ADGRL3: variants seen among roughly 807,000 people sequenced by gnomAD.
ADGRL3 encodes adhesion G protein-coupled receptor L3, also known as calcium-independent alpha-latrotoxin receptor 3.
Under a neutral mutation model 153.5 loss-of-function variants are expected in ADGRL3, and 62 were observed. The ratio of observed to expected loss-of-function variants is 0.40; its 90% CI spans 0.33 to 0.50. The LOEUF is 0.50. Among genes scored for constraint, ADGRL3 ranks in the 20% least tolerant of loss-of-function variants. The pLI is 0.47. For missense variants in ADGRL3, 1,641 were observed against 1,859.4 expected (o/e 0.88, Z 2.16); for synonymous variants, 710 against 672.5 (o/e 1.06, Z -0.86).
At chr4:61,331,013 G>A (rs947511224) in intron 1 of ADGRL3, among the ~76,000 whole-genome samples, 1 of 152,140 alleles carries the variant, frequency 6.6e-6, no homozygotes, top group Non-Finnish European at 1.5e-5. Context: ...GGGGAACCCT[G>A]ACTAATACAA....
chr4:61,465,465 G>T (rs2152637082), intron 2 of ADGRL3, among the ~76,000 whole-genome samples: 1 of 151,920 alleles, frequency 6.6e-6, no homozygotes, highest in East Asian at 1.9e-4. Context: ...AAATATAATT[G>T]AGATACAATT....
At chr4:61,724,548 T>C (rs1229626391) in intron 6 of ADGRL3, among the ~76,000 whole-genome samples, 1 of 152,172 alleles carries the variant, frequency 6.6e-6, no homozygotes, top group Non-Finnish European at 1.5e-5. Flanking sequence ...GGTGTTAATT[T>C]TGGAAACAAA....
intron 1 of ADGRL3, among the ~76,000 whole-genome samples, chr4:61,236,008 C>CT (rs55932029): frequency 0.44 from 41,973 of 95,120 alleles, 10,395 homozygotes; most frequent in Admixed American, 0.49. Flanking sequence ...CTTTTCTTTT[C>CT]TTTTTTTTTT....
At chr4:61,963,440 G>T (rs909608073) in intron 17 of ADGRL3, among the ~76,000 whole-genome samples, 2 of 151,882 alleles carry the variant, frequency 1.3e-5, no homozygotes, top group African/African-American at 4.8e-5. Context: ...GAAGGCCCTA[G>T]TGTCCATTGT....
intron 1 of ADGRL3, among the ~76,000 whole-genome samples, chr4:61,256,696 CT>C (rs147263307): frequency 5.0e-3 from 768 of 152,098 alleles, no homozygotes; most frequent in Non-Finnish European, 8.6e-3. Context: ...TAATTTTTAC[CT>C]TCTATCAAGT....
At chr4:61,438,501 A>G (rs1053937931) in intron 2 of ADGRL3, among the ~76,000 whole-genome samples, 17 of 151,636 alleles carry the variant, frequency 1.1e-4, no homozygotes, top group Non-Finnish European at 2.4e-4. Context: ...AAATGAACTT[A>G]TTTTATTTTT....
intron 13 of ADGRL3, among the ~76,000 whole-genome samples, chr4:61,929,791 C>G (rs2098809814): frequency 6.6e-6 from 1 of 152,058 alleles, no homozygotes; most frequent in African/African-American, 2.4e-5. Context: ...GGGGGATTCC[C>G]CTCCCCGCCC....
chr4:61,429,532 C>T (rs2152402229), intron 2 of ADGRL3, among the ~76,000 whole-genome samples: 1 of 152,106 alleles, frequency 6.6e-6, no homozygotes, highest in East Asian at 1.9e-4. Flanking sequence ...GGAATTAACC[C>T]CCCACTTCTG....
chr4:61,370,435 G>C (rs1271949336), intron 1 of ADGRL3, among the ~76,000 whole-genome samples: 1 of 151,532 alleles, frequency 6.6e-6, no homozygotes, highest in Non-Finnish European at 1.5e-5. Flanking sequence ...TTGTGTCTTT[G>C]TTCTCGTTGG....
chr4:61,722,162 G>T (rs1052474670), intron 6 of ADGRL3, among the ~76,000 whole-genome samples: 2 of 152,088 alleles, frequency 1.3e-5, no homozygotes, highest in Admixed American at 6.5e-5. Flanking sequence ...GATAATTTTT[G>T]ATTCACTTAA....
At chr4:61,907,154 G>A (rs1332370572) in intron 11 of ADGRL3, among the ~76,000 whole-genome samples, 1 of 152,122 alleles carries the variant, frequency 6.6e-6, no homozygotes, top group Non-Finnish European at 1.5e-5. Flanking sequence ...GCAGTGCAAA[G>A]CAAAAGCAAG....
At chr4:61,871,509 C>G (rs2098445359) in intron 9 of ADGRL3, among the ~76,000 whole-genome samples, 1 of 152,042 alleles carries the variant, frequency 6.6e-6, no homozygotes, top group African/African-American at 2.4e-5. Context: ...GTGACATAAG[C>G]CGGTCACTAA....
At chr4:61,395,816 G>T (rs1385322202) in intron 2 of ADGRL3, among the ~76,000 whole-genome samples, 2 of 151,786 alleles carry the variant, frequency 1.3e-5, no homozygotes, top group Non-Finnish European at 2.9e-5. Context: ...AAATACAAGG[G>T]AACAAATTTA....
At chr4:61,348,898 A>G (rs1012517369) in intron 1 of ADGRL3, among the ~76,000 whole-genome samples, 1 of 152,024 alleles carries the variant, frequency 6.6e-6, no homozygotes, top group Non-Finnish European at 1.5e-5. Context: ...AAGTCTTGCC[A>G]AAGAAATAAT....
intron 2 of ADGRL3, among the ~76,000 whole-genome samples, chr4:61,430,898 C>T (rs899900542): frequency 2.0e-5 from 3 of 152,100 alleles, no homozygotes; most frequent in Admixed American, 1.3e-4. Flanking sequence ...ACATTATAAC[C>T]TCAAGTTCAG....
intron 26 of ADGRL3, 111 bp downstream of exon 26, chr4:62,068,294 A>G (rs1483858818): frequency 1.1e-5 from 11 of 966,342 alleles, no homozygotes; most frequent in Non-Finnish European, 1.7e-5. Context: ...CTCACAATTT[A>G]AAAACTAAAA....
chr4:61,680,047 T>C (rs1204399610), intron 6 of ADGRL3, among the ~76,000 whole-genome samples: 2 of 152,040 alleles, frequency 1.3e-5, no homozygotes, highest in African/African-American at 2.4e-5. Context: ...GTAACTAGTT[T>C]GTACCATGAA....
chr4:61,762,593 A>T (rs1291163576), intron 8 of ADGRL3, among the ~76,000 whole-genome samples: 1 of 152,200 alleles, frequency 6.6e-6, no homozygotes, highest in Non-Finnish European at 1.5e-5. Context: ...AAAAGATTTC[A>T]AAGGCAAATA....
rs201200813 is a variant in ADGRL3 at position 61,867,540 on chromosome 4, A to ATATATATATATATATATATG, written c.1481-25116_1481-25115insTATATATATATATATATATG. Reference sequence around the variant, plus strand: ...CATATATATATATATATATATATATAATTGTAGGAGAGAAAAGATTTCTTA... The same window carrying ATATATATATATATATATATG: ...CATATATATATATATATATATATATATATATATATATATATATATGATTGTAGGAGAGAAAAGATTTCTTA... On this transcript the variant is annotated intron_variant, in intron 9 of 26. Transcript: ENST00000683033. Among the ~76,000 whole-genome samples the ATATATATATATATATATATG allele has an allele frequency of 7.6e-4, 101 of 132,100 alleles. 1 individual carries two copies. The highest frequency in any genetic ancestry group is 2.6e-3 in the African/African-American group (98 of 37,012). 86.7% of individuals were successfully genotyped at this position (132,100 alleles called of 152,430 possible). A position where few individuals can be genotyped will look rare whatever the true frequency, so the allele number is the denominator to read the frequency against.
Sources: allele counts gnomAD v4.1 joint callset (sites outside exome capture counted in the v4.1 genomes callset), GRCh38; gene constraint gnomAD v4.1.1; transcripts MANE v1.5; gene names NCBI Gene and HGNC (gene_info 2026-07-23, HGNC 2026-07-21).